NPHP3: variants seen among roughly 807,000 people sequenced by gnomAD.
The protein encoded by NPHP3 is nephrocystin-3.
In NPHP3, 123 loss-of-function variants were observed where a neutral mutation model predicts 171.9. That is an observed-to-expected ratio of 0.72 (90% CI 0.62 to 0.83). The LOEUF is 0.83. NPHP3 is among the 40% of genes least tolerant of loss of function. The probability of loss-of-function intolerance (pLI) is 0.00; values close to 1 mark genes in which losing one functional copy is unlikely to be tolerated. For missense variants in NPHP3, 1,506 were observed against 1,591.9 expected, an observed-to-expected ratio of 0.95 and a Z score of 0.92; for synonymous variants, 558 against 579.2, an observed-to-expected ratio of 0.96 and a Z score of 0.52.
chr3:132,704,490 C>T, intron 8 of NPHP3, 119 bp from the exon 9 acceptor site: 1 of 871,236 alleles, frequency 1.1e-6, no homozygotes, highest in Non-Finnish European at 2.0e-6. Flanking sequence ...AAACATACAG[C>T]CTTTGTATAA....
At chr3:132,698,330 T>A (rs1313407390) in intron 13 of NPHP3, among the ~76,000 whole-genome samples, 1 of 152,114 alleles carries the variant, frequency 6.6e-6, no homozygotes, top group Non-Finnish European at 1.5e-5. Flanking sequence ...CAGGCTGCAG[T>A]GCAGTGGTGC....
intron 2 of NPHP3, 149 bp downstream of exon 2, chr3:132,719,556 T>TG: frequency 2.1e-6 from 1 of 468,182 alleles, no homozygotes; most frequent in Non-Finnish European, 3.5e-6. Flanking sequence ...AACTCAAAAA[T>TG]GTGAAAGTGC....
Position 132,697,312 on chromosome 3 carries a change from G to T in NPHP3, c.2036C>A (p.Ser679Tyr), listed in dbSNP as rs1370185518. 5 of 1,612,570 alleles carry T rather than the reference G, an allele frequency of 3.1e-6. No individual in the cohort carries two copies. The East Asian group carries it at 6.7e-5, about 22-fold the overall frequency. ...LDPLSPKDAK[S>Y]IIIAECHSVD... ...AGAGTGGCATTCTGCAATTATAATA[G>T]ATTTTGCATCTTTTGGACTTAAGGG... The change falls in exon 14 of 27, where the codon TCT (serine) becomes TAT (tyrosine). Residue 679 changes from serine to tyrosine, a missense_variant. By Grantham distance (144) the Ser-to-Tyr change is moderately radical. Coordinates refer to ENST00000337331, the MANE Select transcript of NPHP3 (RefSeq NM_153240.5).
chr3:132,718,865 T>C (rs1270815991), intron 3 of NPHP3, 129 bp downstream of exon 3: 4 of 893,962 alleles, frequency 4.5e-6, no homozygotes, highest in Admixed American at 1.9e-5. Flanking sequence ...CACGACACTA[T>C]TTGCAACAGT....
intron 15 of NPHP3, chr3:132,695,273 C>CGTAT: frequency 7.6e-6 from 2 of 262,616 alleles, no homozygotes; most frequent in South Asian, 9.9e-5. Flanking sequence ...ATGCCACCTA[C>CGTAT]ATACAGGAAG....
At chr3:132,705,160 C>T (rs994993218) in intron 8 of NPHP3, among the ~76,000 whole-genome samples, 2 of 152,018 alleles carry the variant, frequency 1.3e-5, no homozygotes, top group African/African-American at 4.8e-5. Flanking sequence ...TAAATAATCA[C>T]TATTACTATT....
chr3:132,687,905 G>A (rs1939202759), intron 21 of NPHP3, among the ~76,000 whole-genome samples: 1 of 152,182 alleles, frequency 6.6e-6, no homozygotes, highest in Non-Finnish European at 1.5e-5. Context: ...TGTTCCAAGT[G>A]AGGAACTCCG....
Position 132,718,114 on chromosome 3 carries a change from G to C in NPHP3, c.670+880C>G, listed in dbSNP as rs1371340486. 1.6e-5 allele frequency: 7 copies of C among 448,664 alleles called. No homozygotes were observed. The Admixed American group carries it at 1.7e-4, about 11-fold the overall frequency. The allele number at this position is 448,664 out of a possible 1,614,324, so 27.8% of individuals were successfully genotyped here. A position where few individuals can be genotyped will look rare whatever the true frequency, so the allele number is the denominator to read the frequency against. ...TCCAGGATGTTGGTCAGATTCCAAT[G>C]ATACTACAATGAAAATTAAGAAGGA... On this transcript the variant is annotated intron_variant, in intron 3 of 26. Transcript: ENST00000337331.
At chr3:132,712,815 C>T (rs1939950648) in intron 6 of NPHP3, among the ~76,000 whole-genome samples, 1 of 151,802 alleles carries the variant, frequency 6.6e-6, no homozygotes, top group South Asian at 2.1e-4. Flanking sequence ...ATGAATGTGG[C>T]TGTGTTCCAA....
At chr3:132,705,349 C>T (rs745588161) in intron 8 of NPHP3, among the ~76,000 whole-genome samples, 1 of 152,136 alleles carries the variant, frequency 6.6e-6, no homozygotes, top group African/African-American at 2.4e-5. Flanking sequence ...GCTTTCATCC[C>T]CCTCTTCTGT....
In NPHP3 at chr3:132,700,328, C is replaced by G; in HGVS notation, c.1743+6G>C. The G allele has an allele frequency of 6.4e-7, 1 of 1,566,050 alleles. No homozygotes were observed. The highest frequency in any genetic ancestry group is 8.8e-7 in the Non-Finnish European group (1 of 1,136,444). ...TTCTGTAATTCCAAAAGATGGGATA[C>G]TATACCTTTAGAGTTAGTCGTTTAA... On this transcript the variant is annotated splice_donor_region_variant and intron_variant, in intron 11 of 26. Coordinates refer to ENST00000337331, the MANE Select transcript of NPHP3 (RefSeq NM_153240.5).
chr3:132,682,918 A>G, intron 25 of NPHP3, 100 bp from the exon 26 acceptor site: 1 of 752,156 alleles, frequency 1.3e-6, no homozygotes, highest in Non-Finnish European at 2.4e-6. Flanking sequence ...TAAAATGTTA[A>G]TATCCTCCTA....
At chr3:132,700,126 TGG>T in intron 11 of NPHP3, 65 bp from the exon 12 acceptor site, 1 of 1,563,034 alleles carries the variant, frequency 6.4e-7, no homozygotes, top group Middle Eastern at 1.7e-4. Context: ...GTTACAGAGC[TGG>T]GGGAAATATT....
At chr3:132,715,547 C>T (rs1470202840) in intron 4 of NPHP3, among the ~76,000 whole-genome samples, 1 of 152,174 alleles carries the variant, frequency 6.6e-6, no homozygotes, top group East Asian at 1.9e-4. Context: ...TATAGCTTTA[C>T]TTTCTTATTA....
chr3:132,700,474 T>C (rs900113106), intron 10 of NPHP3, 26 bp from the exon 11 acceptor site: 1 of 1,371,364 alleles, frequency 7.3e-7, no homozygotes, highest in Non-Finnish European at 1.0e-6. Flanking sequence ...AGAACTTTTA[T>C]AAAACCGATA....
At chr3:132,700,727 C>G (rs1028243505) in intron 10 of NPHP3, among the ~76,000 whole-genome samples, 5 of 152,190 alleles carry the variant, frequency 3.3e-5, no homozygotes, top group African/African-American at 1.2e-4. Context: ...GTAAAACAAG[C>G]ATTAACTTTT....
chr3:132,720,897 G>T (rs904785022), intron 1 of NPHP3, among the ~76,000 whole-genome samples: 2 of 151,116 alleles, frequency 1.3e-5, no homozygotes, highest in South Asian at 4.2e-4. Context: ...TTCGTTCACA[G>T]AAAAGCAACC....
intron 13 of NPHP3, among the ~76,000 whole-genome samples, chr3:132,698,707 G>A (rs74529024): frequency 0.015 from 2,253 of 152,148 alleles, 50 homozygotes; most frequent in African/African-American, 0.051. Context: ...ACATCGTTAC[G>A]TGGAGCTACT....
In NPHP3 at chr3:132,719,064, T is replaced by C. The variant is rs749309370; in HGVS notation, c.600A>G (p.Leu200=). The C allele has an allele frequency of 1.5e-5, 24 of 1,613,932 alleles. No individual in the cohort carries two copies. Among genetic ancestry groups the C allele is most frequent in the South Asian group, 2.2e-5 (2 of 91,082 alleles). Residue 200 remains leucine (L), a synonymous_variant, in exon 3 of 27, where the codon CTA becomes CTG. Transcript: ENST00000337331. ...CAAATACTTGGATACCCTGAGCCTG[T>C]AGCCTCTGAAGTTTGCTCTCCAACT... is the stretch of plus-strand genomic sequence containing the variant. ...KRELESKLQR[L]QAQGIQVFDP...
Sources: allele counts gnomAD v4.1 joint callset (sites outside exome capture counted in the v4.1 genomes callset), GRCh38; gene constraint gnomAD v4.1.1; transcripts MANE v1.5; gene names NCBI Gene and HGNC (gene_info 2026-07-23, HGNC 2026-07-21).